Variants in CYP4X1 observed in about 807,000 individuals in gnomAD.
The protein encoded by CYP4X1 is cytochrome P450 4X1.
Under a neutral mutation model 57.9 loss-of-function variants are expected in CYP4X1, and 44 were observed. That is an observed-to-expected ratio of 0.76 (90% confidence interval 0.60 to 0.98). The LOEUF (loss-of-function observed/expected upper bound fraction) is 0.98. Ranked by LOEUF, CYP4X1 falls within the 50% of genes least tolerant of loss-of-function variation. The probability of loss-of-function intolerance (pLI) is 0.00; values close to 1 mark genes in which losing one functional copy is unlikely to be tolerated. For missense variants in CYP4X1, 532 were observed against 623.9 expected, an observed-to-expected ratio of 0.85 and a Z score of 1.57; for synonymous variants, 227 against 228.6, an observed-to-expected ratio of 0.99 and a Z score of 0.06.
chr1:46,965,112 A>G, the CYP4X1 span, among the ~76,000 whole-genome samples: 1 of 152,096 alleles, frequency 6.6e-6, no homozygotes, highest in Non-Finnish European at 1.5e-5. Flanking sequence ...GGTGGGAGTG[A>G]CCCAATTTTC....
At chr1:46,995,063 G>C in the CYP4X1 span, among the ~76,000 whole-genome samples, 6 of 152,098 alleles carry the variant, frequency 3.9e-5, no homozygotes, top group Non-Finnish European at 8.8e-5. Flanking sequence ...GGCTGGCCCT[G>C]TCCACCCTTC....
chr1:47,039,464 C>T lies in CYP4X1; in HGVS notation c.1005C>T (p.Asn335=). Residue 335 remains asparagine (N), a synonymous_variant, in exon 8 of 12, where the codon AAC becomes AAT. Coordinates refer to ENST00000371901, the MANE Select transcript of CYP4X1 (RefSeq NM_178033.2). ...ISWILYCLAL[N]PEHQERCREE... ...GGATCCTTTACTGCCTGGCTCTGAA[C>T]CCTGAGCATCAAGAGAGATGCCGGG... 1 of 1,613,542 alleles carries T rather than the reference C, an allele frequency of 6.2e-7. No homozygotes were observed. The highest frequency in any genetic ancestry group is 1.1e-5 in the South Asian group (1 of 91,006).
the CYP4X1 span, among the ~76,000 whole-genome samples, chr1:46,967,428 G>A: frequency 6.6e-6 from 1 of 152,206 alleles, no homozygotes. Context: ...AGACAGGCTG[G>A]AGGGCAGGCA....
rs116246007 is a variant in CYP4X1 at position 47,031,201 on chromosome 1, A to T, written c.320-235A>T. 9.2e-3 allele frequency among the ~76,000 whole-genome samples: 1,404 copies of T among 152,356 alleles called. 22 individuals are homozygous for T. The highest frequency in any genetic ancestry group is 0.032 in the African/African-American group (1,345 of 41,586). The stretch of plus-strand genomic sequence containing the variant: ...TGTTGGAGGAAGTGTAAACAAGGGA[A>T]TAATCAGGGTTTCTGTACTTGTCTG... On this transcript the variant is annotated intron_variant, in intron 2 of 11. Transcript: ENST00000371901.
intron 8 of CYP4X1, 150 bp from the exon 9 acceptor site, chr1:47,046,317 G>A: frequency 3.9e-6 from 4 of 1,026,418 alleles, no homozygotes; most frequent in Non-Finnish European, 5.6e-6. Context: ...CTCATCCTGA[G>A]GCAGAGAGTC....
the CYP4X1 span, among the ~76,000 whole-genome samples, chr1:47,002,003 C>T: frequency 6.6e-6 from 1 of 152,234 alleles, no homozygotes; most frequent in East Asian, 1.9e-4. Context: ...CTCTCCCTCT[C>T]TAAACATCCA....
the CYP4X1 span, among the ~76,000 whole-genome samples, chr1:46,995,103 G>A: frequency 6.6e-6 from 1 of 152,146 alleles, no homozygotes; most frequent in Non-Finnish European, 1.5e-5. Flanking sequence ...GGTGCTGGTG[G>A]ATGGAGCACT....
At chr1:46,988,192 G>T in the CYP4X1 span, among the ~76,000 whole-genome samples, 7 of 152,050 alleles carry the variant, frequency 4.6e-5, no homozygotes, top group Non-Finnish European at 7.4e-5. Flanking sequence ...AATAAAAAAT[G>T]ATAAAGGAGA....
At chr1:46,993,761 A>G in the CYP4X1 span, among the ~76,000 whole-genome samples, 1 of 152,000 alleles carries the variant, frequency 6.6e-6, no homozygotes, top group South Asian at 2.1e-4. Context: ...TCCTTTGCCC[A>G]CTTTTTGATG....
the CYP4X1 span, among the ~76,000 whole-genome samples, chr1:46,968,146 G>T: frequency 6.6e-6 from 1 of 152,102 alleles, no homozygotes; most frequent in South Asian, 2.1e-4. Context: ...TTTCTGAAGG[G>T]GCACTTTGTG....
chr1:46,976,064 T>G, the CYP4X1 span, among the ~76,000 whole-genome samples: 281 of 152,178 alleles, frequency 1.8e-3, no homozygotes, highest in South Asian at 8.3e-3. Context: ...CATTTCCAGC[T>G]GAGGTACCTG....
At chr1:46,976,427 G>A in the CYP4X1 span, among the ~76,000 whole-genome samples, 4 of 152,140 alleles carry the variant, frequency 2.6e-5, no homozygotes, top group Non-Finnish European at 5.9e-5. Context: ...GCTTGAGTAG[G>A]TAAACAAAGC....
the CYP4X1 span, among the ~76,000 whole-genome samples, chr1:47,001,794 C>T: frequency 0.035 from 5,365 of 152,298 alleles, 329 homozygotes; most frequent in African/African-American, 0.12. Flanking sequence ...TTCATCACAG[C>T]GGGGACAGCG....
the CYP4X1 span, among the ~76,000 whole-genome samples, chr1:46,970,312 A>T: frequency 6.6e-6 from 1 of 152,218 alleles, no homozygotes; most frequent in Non-Finnish European, 1.5e-5. Context: ...GCCATTGGGA[A>T]ACAGGAGAAG....
chr1:46,978,224 G>A, the CYP4X1 span, among the ~76,000 whole-genome samples: 2 of 152,056 alleles, frequency 1.3e-5, no homozygotes, highest in Non-Finnish European at 1.5e-5. Flanking sequence ...CTGTATTGAG[G>A]AGACCCATCT....
At chr1:47,008,949 T>C in the CYP4X1 span, among the ~76,000 whole-genome samples, 1 of 152,296 alleles carries the variant, frequency 6.6e-6, no homozygotes, top group Middle Eastern at 3.4e-3. Flanking sequence ...CAAAGAGACT[T>C]AGACTCCCAC....
At chr1:46,974,933 A>T in the CYP4X1 span, among the ~76,000 whole-genome samples, 2 of 152,030 alleles carry the variant, frequency 1.3e-5, no homozygotes, top group Non-Finnish European at 2.9e-5. Flanking sequence ...TTTAATATTT[A>T]TGGGTAGATA....
In CYP4X1 at chr1:47,048,580, T is replaced by C. The variant is rs1644327587; in HGVS notation, c.1223T>C (p.Leu408Pro). The C allele has an allele frequency of 6.2e-7, 1 of 1,614,068 alleles. No homozygotes were observed. The highest frequency in any genetic ancestry group is 1.3e-5 in the African/African-American group (1 of 74,942). Reference sequence around the variant, plus strand: ...CCTTTCTTAGGGATCACCGTGGTTCTTAGTATTTGGGGTCTTCACCACAAC... The same window carrying C: ...CCTTTCTTAGGGATCACCGTGGTTCCTAGTATTTGGGGTCTTCACCACAAC... The part of the protein sequence containing the change: ...CTLPAGITVV[L>P]SIWGLHHNPA... The change falls in exon 10 of 12, where the codon CTT (leucine) becomes CCT (proline). Residue 408 changes from leucine to proline, a missense_variant. By Grantham distance (98) the Leu-to-Pro change is moderately conservative. Coordinates refer to ENST00000371901, the MANE Select transcript of CYP4X1 (RefSeq NM_178033.2).
chr1:46,995,401 G>A, the CYP4X1 span, among the ~76,000 whole-genome samples: 12 of 152,198 alleles, frequency 7.9e-5, no homozygotes, highest in African/African-American at 2.9e-4. Context: ...ATGAGGTCTT[G>A]AAGAGTAATA....
Sources: allele counts gnomAD v4.1 joint callset (sites outside exome capture counted in the v4.1 genomes callset), GRCh38; gene constraint gnomAD v4.1.1; transcripts MANE v1.5; gene names NCBI Gene and HGNC (gene_info 2026-07-23, HGNC 2026-07-21).